DUS2: variants seen among roughly 807,000 people sequenced by gnomAD.
DUS2 encodes the protein tRNA-dihydrouridine(20) synthase [NAD(P)+]-like.
Under a neutral mutation model 71.3 loss-of-function variants are expected in DUS2, and 52 were observed. That is an observed-to-expected ratio of 0.73 (90% confidence interval 0.58 to 0.92). The LOEUF (loss-of-function observed/expected upper bound fraction) is 0.92, where lower values mean the gene tolerates loss of function less well. Ranked by LOEUF, DUS2 falls within the 40% of genes least tolerant of loss-of-function variation. The pLI is 0.00. For synonymous variants in DUS2, 204 were observed against 227.8 expected, an observed-to-expected ratio of 0.90 and a Z score of 0.94; for missense variants, 558 against 622.6, an observed-to-expected ratio of 0.90 and a Z score of 1.10.
intron 10 of DUS2, 89 bp from the exon 11 acceptor site, chr16:68,070,045 G>C (rs1246200475): frequency 8.5e-7 from 1 of 1,181,726 alleles, no homozygotes; most frequent in African/African-American, 1.5e-5. Context: ...TCAGTGGGGA[G>C]GACAGTAAGG....
chr16:68,048,741 G>T (rs780783261), intron 3 of DUS2, among the ~76,000 whole-genome samples: 6 of 152,092 alleles, frequency 3.9e-5, no homozygotes, highest in African/African-American at 1.4e-4. Context: ...ATGGGGGTTA[G>T]TACCAGGAGT....
At chr16:68,035,588 A>G (rs1004491418) in intron 2 of DUS2, among the ~76,000 whole-genome samples, 4 of 150,122 alleles carry the variant, frequency 2.7e-5, no homozygotes, top group South Asian at 2.1e-4. Context: ...GACTGAGTTT[A>G]TGTTGCCCAG....
intron 10 of DUS2, among the ~76,000 whole-genome samples, chr16:68,067,615 C>A (rs1324189026): frequency 6.6e-6 from 1 of 151,560 alleles, no homozygotes; most frequent in Non-Finnish European, 1.5e-5. Context: ...GCAATGACTT[C>A]TCCCTTGAAT....
chr16:68,066,260 G>A, intron 8 of DUS2, 57 bp from the exon 9 acceptor site: 2 of 1,523,176 alleles, frequency 1.3e-6, no homozygotes, highest in Non-Finnish European at 1.8e-6. Flanking sequence ...ATTAGTACAG[G>A]CAGAGTGATG....
At chr16:68,049,634 G>C in intron 4 of DUS2, 84 bp downstream of exon 4, 1 of 1,302,724 alleles carries the variant, frequency 7.7e-7, no homozygotes, top group Non-Finnish European at 1.1e-6. Flanking sequence ...TGGGGTGACA[G>C]TGTCTTGCCT....
intron 4 of DUS2, among the ~76,000 whole-genome samples, chr16:68,051,759 A>T (rs2033781984): frequency 6.6e-6 from 1 of 152,144 alleles, no homozygotes; most frequent in Non-Finnish European, 1.5e-5. Flanking sequence ...ACCCACTAAC[A>T]TGGGTAATAG....
chr16:68,032,798 C>T (rs1462290333), intron 2 of DUS2, among the ~76,000 whole-genome samples: 1 of 149,412 alleles, frequency 6.7e-6, no homozygotes, highest in Non-Finnish European at 1.5e-5. Flanking sequence ...CCTGTAATCC[C>T]AGCTACTCGG....
At chr16:68,039,833 G>C (rs1196357529) in intron 3 of DUS2, among the ~76,000 whole-genome samples, 1 of 152,180 alleles carries the variant, frequency 6.6e-6, no homozygotes, top group South Asian at 2.1e-4. Flanking sequence ...GAACACTCAC[G>C]GAGTTAATGG....
chr16:68,069,533 A>G (rs2034055032), intron 10 of DUS2, among the ~76,000 whole-genome samples: 1 of 152,212 alleles, frequency 6.6e-6, no homozygotes, highest in South Asian at 2.1e-4. Flanking sequence ...ACTCATGCAC[A>G]AGAACTTGCA....
chr16:68,057,828 C>T (rs1170760146), intron 7 of DUS2, among the ~76,000 whole-genome samples: 1 of 138,880 alleles, frequency 7.2e-6, no homozygotes, highest in African/African-American at 2.7e-5. Flanking sequence ...TTGCAGTGAG[C>T]AAGATCATGC....
At chr16:68,065,959 A>G (rs1411282099) in intron 8 of DUS2, among the ~76,000 whole-genome samples, 1 of 152,180 alleles carries the variant, frequency 6.6e-6, no homozygotes, top group African/African-American at 2.4e-5. Flanking sequence ...GTGGAATTCA[A>G]GAGTGTGTAT....
intron 2 of DUS2, among the ~76,000 whole-genome samples, chr16:68,033,634 ATTTT>A (rs548683357): frequency 2.4e-5 from 3 of 125,358 alleles, no homozygotes; most frequent in East Asian, 2.2e-4. Flanking sequence ...ACAGGTGCTA[ATTTT>A]TTTTTTTTTT....
chr16:68,074,610 G>T lies in DUS2; in HGVS notation c.932+455G>T, dbSNP rs996224578. On this transcript the variant is annotated intron_variant, in intron 13 of 16. Transcript: ENST00000565263. ...TTGAGGCCCTTCACAAGCTGGCCTA[G>T]CCACTGCCCCCACAGCTCCCTGTCT... Among the ~76,000 whole-genome samples, 12 of 152,298 alleles carry T rather than the reference G, an allele frequency of 7.9e-5. No individual in the cohort carries two copies. The South Asian group carries it at 2.3e-3, about 29-fold the overall frequency.
chr16:68,031,399 G>A (rs945575599), intron 2 of DUS2, among the ~76,000 whole-genome samples: 3 of 152,000 alleles, frequency 2.0e-5, no homozygotes, highest in African/African-American at 7.2e-5. Context: ...TCTTTACCTC[G>A]TGATCCGCCT....
intron 2 of DUS2, among the ~76,000 whole-genome samples, chr16:68,035,709 G>T (rs9889207): frequency 0.29 from 40,403 of 138,170 alleles, 7,310 homozygotes; most frequent in African/African-American, 0.53. Flanking sequence ...ATTCTATGTG[G>T]TTTTTTTTTT....
chr16:68,064,033 C>T (rs1296709525), intron 8 of DUS2, among the ~76,000 whole-genome samples: 1 of 152,202 alleles, frequency 6.6e-6, no homozygotes, highest in African/African-American at 2.4e-5. Context: ...GTACTTGGGC[C>T]ATGGCTGACA....
chr16:68,055,820 T>C (rs1305033973), intron 6 of DUS2, among the ~76,000 whole-genome samples: 6 of 143,288 alleles, frequency 4.2e-5, no homozygotes, highest in Admixed American at 2.1e-4. Context: ...GTAATTGCGG[T>C]TTTTGCCATT....
At chr16:68,077,894 A>ACCCCCCCCCCCC (rs2034180538) in intron 15 of DUS2, 1 of 98,222 alleles carries the variant, frequency 1.0e-5, no homozygotes, top group African/African-American at 4.0e-5. Flanking sequence ...CTGTGTCCCC[A>ACCCCCCCCCCCC]CTCCCCCCCA....
intron 6 of DUS2, 90 bp from the exon 7 acceptor site, chr16:68,056,274 T>G: frequency 8.9e-7 from 1 of 1,124,018 alleles, no homozygotes; most frequent in Non-Finnish European, 1.3e-6. Flanking sequence ...GGGTAAGAGG[T>G]TCATGAGCAC....
Sources: allele counts gnomAD v4.1 joint callset (sites outside exome capture counted in the v4.1 genomes callset), GRCh38; gene constraint gnomAD v4.1.1; transcripts MANE v1.5; gene names NCBI Gene and HGNC (gene_info 2026-07-23, HGNC 2026-07-21).